The following ARID4B variants were observed in gnomAD, a reference collection of about 807,000 sequenced individuals.
ARID4B encodes AT-rich interaction domain 4B.
ARID4B carries 26 observed loss-of-function variants against 147.5 expected under a neutral mutation model. That is an observed-to-expected ratio of 0.18 (90% CI 0.13 to 0.24). The LOEUF (loss-of-function observed/expected upper bound fraction) is 0.24, where lower values mean the gene tolerates loss of function less well. Ranked by LOEUF, ARID4B falls within the 10% of genes least tolerant of loss-of-function variation. The pLI, the probability that ARID4B is intolerant of heterozygous loss-of-function variation, is 1.00. For missense variants in ARID4B, 1,179 were observed against 1,511.5 expected, an observed-to-expected ratio of 0.78 and a Z score of 3.65; for synonymous variants, 512 against 507.9, an observed-to-expected ratio of 1.01 and a Z score of -0.11.
At position 235,268,568 on chromosome 1, in the gene ARID4B, G is replaced by A. The variant is rs1428438002; in HGVS notation, c.7-7816C>T. Among the ~76,000 whole-genome samples the A allele has an allele frequency of 4.6e-5, 7 of 152,128 alleles. No individual in the cohort carries two copies. The East Asian group carries it at 1.4e-3, about 29-fold the overall frequency. On this transcript the variant is annotated intron_variant, in intron 2 of 23. Transcript: ENST00000264183. ...AATTGAGATGGAGTCTTGCTCTGTT[G>A]CCCAGGCTGGAGTGCAATGGTGTGA...
At chr1:235,223,751 T>C (rs540633849) in intron 12 of ARID4B, among the ~76,000 whole-genome samples, 300 of 143,746 alleles carry the variant, frequency 2.1e-3, no homozygotes, top group Non-Finnish European at 3.8e-3. Flanking sequence ...AAACAAACCA[T>C]GAGAAAGTGG....
intron 2 of ARID4B, among the ~76,000 whole-genome samples, chr1:235,305,317 C>T (rs758784632): frequency 2.6e-5 from 4 of 152,152 alleles, no homozygotes; most frequent in African/African-American, 9.7e-5. Flanking sequence ...GTGAGACCCA[C>T]GTCAGACCTC....
At chr1:235,278,621 T>C (rs1267237137) in intron 2 of ARID4B, among the ~76,000 whole-genome samples, 1 of 152,180 alleles carries the variant, frequency 6.6e-6, no homozygotes, top group Non-Finnish European at 1.5e-5. Flanking sequence ...AATTTACTTA[T>C]CTTAAAAACA....
At chr1:235,223,282 A>G (rs973375693) in intron 12 of ARID4B, 22 bp from the exon 13 acceptor site, 4 of 1,315,942 alleles carry the variant, frequency 3.0e-6, no homozygotes, top group East Asian at 2.6e-5. Flanking sequence ...AACACAAACT[A>G]TATTAGATCC....
intron 2 of ARID4B, among the ~76,000 whole-genome samples, chr1:235,307,232 C>T (rs1572205928): frequency 6.6e-6 from 1 of 152,186 alleles, no homozygotes; most frequent in East Asian, 1.9e-4. Flanking sequence ...TCACTTGAGG[C>T]CAGGAGTTCA....
At chr1:235,218,054 G>GTC (rs1452215149) in intron 16 of ARID4B, among the ~76,000 whole-genome samples, 3 of 152,104 alleles carry the variant, frequency 2.0e-5, no homozygotes, top group African/African-American at 7.2e-5. Context: ...TGTGAATATG[G>GTC]TCTTGTCTCA....
chr1:235,313,011 A>G (rs532012335), intron 2 of ARID4B, among the ~76,000 whole-genome samples: 1 of 152,206 alleles, frequency 6.6e-6, no homozygotes, highest in Non-Finnish European at 1.5e-5. Context: ...GGGTTCTTTG[A>G]TGAGGTATCC....
At chr1:235,268,715 A>G (rs1457002201) in intron 2 of ARID4B, among the ~76,000 whole-genome samples, 2 of 151,968 alleles carry the variant, frequency 1.3e-5, no homozygotes, top group Non-Finnish European at 2.9e-5. Flanking sequence ...ACGGGATTTC[A>G]CCATGTTGGT....
At chr1:235,214,262 G>GA (rs980919252) in intron 16 of ARID4B, among the ~76,000 whole-genome samples, 1 of 152,106 alleles carries the variant, frequency 6.6e-6, no homozygotes, top group African/African-American at 2.4e-5. Flanking sequence ...TGCAGTAAAA[G>GA]AAAATTTCCA....
chr1:235,194,335 A>C, intron 18 of ARID4B, 124 bp from the exon 19 acceptor site: 2 of 797,648 alleles, frequency 2.5e-6, no homozygotes, highest in Non-Finnish European at 3.9e-6. Context: ...AAAAGAAAGA[A>C]CATAAGAAGC....
At chr1:235,302,251 A>AG (rs1353674980) in intron 2 of ARID4B, among the ~76,000 whole-genome samples, 11 of 72,482 alleles carry the variant, frequency 1.5e-4, no homozygotes, top group African/African-American at 5.9e-4. Context: ...AGAGATGGGG[A>AG]GGGGGAAGTG....
intron 19 of ARID4B, among the ~76,000 whole-genome samples, chr1:235,187,662 T>A (rs1162065827): frequency 6.6e-6 from 1 of 152,228 alleles, no homozygotes; most frequent in Non-Finnish European, 1.5e-5. Flanking sequence ...GAATCTTAGC[T>A]GTCTGTGTTC....
intron 17 of ARID4B, among the ~76,000 whole-genome samples, chr1:235,204,770 T>C (rs767307905): frequency 1.3e-5 from 2 of 152,226 alleles, no homozygotes; most frequent in Non-Finnish European, 2.9e-5. Flanking sequence ...AATTAGTTAT[T>C]TGTGCGTACT....
chr1:235,252,955 A>C, intron 5 of ARID4B, 146 bp from the exon 6 acceptor site: 1 of 566,610 alleles, frequency 1.8e-6, no homozygotes, highest in South Asian at 3.1e-5. Context: ...TTTTCTAGTG[A>C]GTAACTTCAA....
Position 235,257,235 on chromosome 1 carries a change from A to G in ARID4B, c.118-10T>C, listed in dbSNP as rs757450251. The G allele has an allele frequency of 9.4e-6, 15 of 1,603,568 alleles. No homozygotes were observed. Among genetic ancestry groups the G allele is most frequent in the Non-Finnish European group, 1.2e-5 (14 of 1,171,134 alleles). On this transcript the variant is annotated splice_polypyrimidine_tract_variant and intron_variant, in intron 3 of 23. Transcript: ENST00000264183. ...CATGTCTAAATGTCACCTAGAGATTATAAGTTTAATTAGCCACCAAAAATA... is the reference window on the plus strand; with the variant it reads ...CATGTCTAAATGTCACCTAGAGATTGTAAGTTTAATTAGCCACCAAAAATA...
intron 16 of ARID4B, among the ~76,000 whole-genome samples, chr1:235,217,404 C>CTACATAGATGCACTCATA (rs1667163300): frequency 6.6e-6 from 1 of 151,788 alleles, no homozygotes; most frequent in Non-Finnish European, 1.5e-5. Flanking sequence ...GATGCATACA[C>CTACATAGATGCACTCATA]TACATACATG....
At chr1:235,315,926 T>A (rs1196217198) in intron 2 of ARID4B, among the ~76,000 whole-genome samples, 7 of 152,186 alleles carry the variant, frequency 4.6e-5, no homozygotes, top group Non-Finnish European at 7.3e-5. Context: ...GCACTTACAG[T>A]TCCAGCCACT....
At chr1:235,237,213 T>C (rs1668666589) in intron 8 of ARID4B, among the ~76,000 whole-genome samples, 1 of 152,000 alleles carries the variant, frequency 6.6e-6, no homozygotes, top group African/African-American at 2.4e-5. Context: ...AGACTCCTAG[T>C]GCTTTAGAAA....
intron 10 of ARID4B, among the ~76,000 whole-genome samples, chr1:235,230,199 T>C (rs538845711): frequency 6.6e-6 from 1 of 152,144 alleles, no homozygotes; most frequent in Non-Finnish European, 1.5e-5. Flanking sequence ...GTGGACTGCC[T>C]GAGCTCAGGA....
Sources: gnomAD v4.1 joint callset for allele counts (sites outside exome capture counted in the v4.1 genomes callset) on GRCh38, gnomAD v4.1.1 for gene constraint, MANE v1.5 for transcripts, NCBI Gene and HGNC (gene_info 2026-07-23, HGNC 2026-07-21) for gene names.